Variants in PRH1 observed in about 807,000 individuals in gnomAD.
PRH1 encodes salivary acidic proline-rich phosphoprotein 1/2.
PRH1 carries 7 observed loss-of-function variants against 7.9 expected under a neutral mutation model. That is an observed-to-expected ratio of 0.89 (90% CI 0.50 to 1.67). PRH1 has a LOEUF of 1.67. Ranked by LOEUF, PRH1 falls within the 40% of genes most tolerant of loss-of-function variation. PRH1 has a pLI of 0.00. For synonymous variants in PRH1, 45 were observed against 80.8 expected, an observed-to-expected ratio of 0.56 and a Z score of 2.38; for missense variants, 109 against 223.6, an observed-to-expected ratio of 0.49 and a Z score of 3.27.
At chr12:10,985,619 G>T (rs183598416) in intron 1 of PRH1, among the ~76,000 whole-genome samples, 1 of 152,168 alleles carries the variant, frequency 6.6e-6, no homozygotes, top group East Asian at 1.9e-4. Flanking sequence ...ATGATAATAT[G>T]AAATGTATAT....
chr12:11,068,182 T>G (rs998493646), intron 1 of PRH1, among the ~76,000 whole-genome samples: 1 of 152,212 alleles, frequency 6.6e-6, no homozygotes, highest in African/African-American at 2.4e-5. Flanking sequence ...AATATATGTC[T>G]TCTTGCTGAT....
intron 2 of PRH1, among the ~76,000 whole-genome samples, chr12:10,941,632 T>C (rs1950403433): frequency 6.6e-6 from 1 of 151,928 alleles, no homozygotes; most frequent in East Asian, 1.9e-4. Flanking sequence ...TCTTGTATCA[T>C]ATTTTTGGAT....
chr12:11,016,822 C>A (rs1941319639), intron 1 of PRH1, among the ~76,000 whole-genome samples: 1 of 152,086 alleles, frequency 6.6e-6, no homozygotes, highest in Admixed American at 6.6e-5. Context: ...TAGAGCAGAA[C>A]CAAGGGGAAG....
chr12:10,902,025 A>G (rs530299566), intron 2 of PRH1, among the ~76,000 whole-genome samples: 24 of 152,164 alleles, frequency 1.6e-4, no homozygotes, highest in African/African-American at 5.8e-4. Flanking sequence ...ACCAAAACAA[A>G]AGCTCAGATA....
chr12:11,009,076 T>C (rs67420003), intron 1 of PRH1, among the ~76,000 whole-genome samples: 46,834 of 151,760 alleles, frequency 0.31, 8,957 homozygotes, highest in East Asian at 0.74. Flanking sequence ...TATAATTATG[T>C]ACATATTTAT....
chr12:11,087,625 G>A lies in PRH1; in HGVS notation n.124-40437C>T, dbSNP rs1379232560. On this transcript the variant is annotated intron_variant and non_coding_transcript_variant, in intron 1 of 4. Transcript: ENST00000541977. ...AATTCTCCTCTACTGGCAACACAATGTACAAAATATAATAACCGCATTCCC... is the reference window on the plus strand; with the variant it reads ...AATTCTCCTCTACTGGCAACACAATATACAAAATATAATAACCGCATTCCC... Among the ~76,000 whole-genome samples the A allele has an allele frequency of 4.3e-5, 5 of 116,896 alleles. 1 individual carries two copies. Among genetic ancestry groups the A allele is most frequent in the African/African-American group, 1.4e-4 (5 of 34,904 alleles). The allele number at this position is 116,896 out of a possible 152,430, so 76.7% of individuals were successfully genotyped here. A position where few individuals can be genotyped will look rare whatever the true frequency, so the allele number is the denominator to read the frequency against.
At chr12:11,094,298 TCAA>T (rs1250884073) in intron 1 of PRH1, among the ~76,000 whole-genome samples, 1 of 11,152 alleles carries the variant, frequency 9.0e-5, no homozygotes, top group Non-Finnish European at 1.9e-4. Context: ...CAAGACTCTG[TCAA>T]AAAAAAAAAA....
At chr12:11,038,282 A>G (rs1942532530) in intron 1 of PRH1, among the ~76,000 whole-genome samples, 1 of 152,270 alleles carries the variant, frequency 6.6e-6, no homozygotes, top group Admixed American at 6.5e-5. Flanking sequence ...AAAAAATTGT[A>G]ACGTTAACAT....
intron 1 of PRH1, among the ~76,000 whole-genome samples, chr12:11,109,874 G>C (rs1429980786): frequency 6.6e-6 from 1 of 152,090 alleles, no homozygotes; most frequent in Non-Finnish European, 1.5e-5. Flanking sequence ...ACTCAACTGA[G>C]ATAAAGAAGC....
intron 1 of PRH1, chr12:11,022,073 T>G (rs75155989): frequency 5.1e-6 from 8 of 1,582,736 alleles, no homozygotes; most frequent in Non-Finnish European, 6.9e-6. Flanking sequence ...TTCCTCAATT[T>G]GATCTTCCAA....
At chr12:10,972,655 T>G (rs1938873435) in intron 2 of PRH1, among the ~76,000 whole-genome samples, 1 of 152,170 alleles carries the variant, frequency 6.6e-6, no homozygotes, top group African/African-American at 2.4e-5. Flanking sequence ...CAACATCAGT[T>G]GTTAGGAAAA....
chr12:10,889,769 C>T (rs1949544387), intron 2 of PRH1, among the ~76,000 whole-genome samples: 1 of 152,092 alleles, frequency 6.6e-6, no homozygotes. Context: ...CACTGTCTTT[C>T]CTCCATCATT....
In PRH1 at chr12:11,097,524, C is replaced by T. The variant is rs796587067; in HGVS notation, n.124-50336G>A. On this transcript the variant is annotated intron_variant and non_coding_transcript_variant, in intron 1 of 4. Transcript: ENST00000541977. ...GCATAGTGAAAGGAGGATTCACTGA[C>T]GGTCATCCATAAATAATTATTTGCT... Among the ~76,000 whole-genome samples, 7 of 114,538 alleles carry T rather than the reference C, an allele frequency of 6.1e-5. 2 individuals carry two copies. The highest frequency in any genetic ancestry group is 8.8e-5 in the Admixed American group (1 of 11,328). The allele number at this position is 114,538 out of a possible 152,430, so 75.1% of individuals were successfully genotyped here. A position where few individuals can be genotyped will look rare whatever the true frequency, so the allele number is the denominator to read the frequency against.
intron 2 of PRH1, chr12:10,908,512 A>G (rs1295140014): frequency 6.2e-7 from 1 of 1,613,966 alleles, no homozygotes; most frequent in East Asian, 2.2e-5. Context: ...CAAAGCATGT[A>G]GATCACTGTG....
At chr12:11,067,784 G>C (rs1238103608) in intron 1 of PRH1, among the ~76,000 whole-genome samples, 1 of 152,148 alleles carries the variant, frequency 6.6e-6, no homozygotes, top group Admixed American at 6.5e-5. Flanking sequence ...AATTACTTGA[G>C]CCTGGATAGC....
Position 11,061,450 on chromosome 12 carries a change from C to A in PRH1, n.124-14262G>T, listed in dbSNP as rs1285816495. On this transcript the variant is annotated intron_variant and non_coding_transcript_variant, in intron 1 of 4. Coordinates refer to the PRH1 transcript ENST00000541977. ...AAAAGTCTGCTTTAGCTTCTTGTTT[C>A]CCCAAATCAGGATGAATGGGTGGGT... The A allele has an allele frequency of 1.2e-6, 2 of 1,614,124 alleles. No individual in the cohort carries two copies. Among genetic ancestry groups the A allele is most frequent in the African/African-American group, 2.7e-5 (2 of 75,044 alleles).
chr12:10,917,966 C>T (rs1001968784), intron 2 of PRH1, among the ~76,000 whole-genome samples: 18 of 152,156 alleles, frequency 1.2e-4, no homozygotes, highest in Non-Finnish European at 2.9e-5. Flanking sequence ...GATATCAGTG[C>T]CTGCTTTTGG....
At chr12:11,047,953 AAAC>A (rs1167054821), upstream of PRH1, among the ~76,000 whole-genome samples, 2 of 152,252 alleles carry the variant, frequency 1.3e-5, no homozygotes, top group African/African-American at 4.8e-5. Context: ...TTACAATGGA[AAAC>A]AACAATGATT....
chr12:10,902,321 A>G (rs1475199328), intron 2 of PRH1, among the ~76,000 whole-genome samples: 2 of 152,150 alleles, frequency 1.3e-5, no homozygotes, highest in Non-Finnish European at 2.9e-5. Flanking sequence ...AAAAAAAATT[A>G]AAAATAATTT....
Sources: gnomAD v4.1 joint callset for allele counts (sites outside exome capture counted in the v4.1 genomes callset) on GRCh38, gnomAD v4.1.1 for gene constraint, MANE v1.5 for transcripts, NCBI Gene and HGNC (gene_info 2026-07-23, HGNC 2026-07-21) for gene names.